Variants in FERMT2 observed in about 807,000 individuals in gnomAD.
FERMT2 encodes the protein fermitin family homolog 2.
A neutral mutation model predicts 82.7 loss-of-function variants in FERMT2; 15 were observed. The ratio of observed to expected loss-of-function variants is 0.18; its 90% CI spans 0.12 to 0.28. FERMT2 has a LOEUF of 0.28. Among genes scored for constraint, FERMT2 ranks in the 10% least tolerant of loss-of-function variants. The pLI, the probability that FERMT2 is intolerant of heterozygous loss-of-function variation, is 1.00. For synonymous variants in FERMT2, 274 were observed against 271.5 expected (o/e 1.01, Z -0.09); for missense variants, 645 against 809.4 (o/e 0.80, Z 2.46).
intron 8 of FERMT2, among the ~76,000 whole-genome samples, chr14:52,874,742 T>G (rs893917703): frequency 6.6e-6 from 1 of 152,204 alleles, no homozygotes; most frequent in African/African-American, 2.4e-5. Context: ...TGCAGAGTAT[T>G]AGAGTATTAG....
intron 2 of FERMT2, among the ~76,000 whole-genome samples, chr14:52,921,076 G>A (rs1026390253): frequency 6.6e-6 from 1 of 152,148 alleles, no homozygotes; most frequent in Admixed American, 6.5e-5. Flanking sequence ...TTAAAAGTAT[G>A]TATTAATCTA....
chr14:52,890,953 A>G (rs1459511822), intron 4 of FERMT2, among the ~76,000 whole-genome samples: 3 of 152,154 alleles, frequency 2.0e-5, no homozygotes, highest in African/African-American at 7.2e-5. Context: ...TTCCACCAGT[A>G]TCGGCAACCC....
In FERMT2 at chr14:52,857,314, A is replaced by G. The variant is rs1884630313; in HGVS notation, c.*1063T>C. Reference sequence around the variant, plus strand: ...CTTTTATTTAAAATAAAATGCATTTATACAGTCTTTGAACCATGGATTATT... The same window carrying G: ...CTTTTATTTAAAATAAAATGCATTTGTACAGTCTTTGAACCATGGATTATT... On this transcript the variant is annotated 3_prime_UTR_variant, in exon 15 of 15. Transcript: ENST00000341590. 6.5e-6 allele frequency: 1 copy of G among 152,678 alleles called. No individual in the cohort carries two copies. 9.5% of individuals were successfully genotyped at this position (152,678 alleles called of 1,614,324 possible).
intron 2 of FERMT2, among the ~76,000 whole-genome samples, chr14:52,947,597 T>C (rs769399413): frequency 2.0e-5 from 3 of 152,158 alleles, no homozygotes; most frequent in South Asian, 2.1e-4. Flanking sequence ...ACGTTATTTA[T>C]AATAAAAGTC....
At chr14:52,933,830 C>T (rs1303349643) in intron 2 of FERMT2, among the ~76,000 whole-genome samples, 1 of 151,838 alleles carries the variant, frequency 6.6e-6, no homozygotes, top group East Asian at 1.9e-4. Flanking sequence ...CCCCACATTG[C>T]CTTTTTCTAG....
intron 2 of FERMT2, among the ~76,000 whole-genome samples, chr14:52,929,751 C>T (rs1178688704): frequency 1.3e-5 from 2 of 152,150 alleles, no homozygotes; most frequent in African/African-American, 4.8e-5. Flanking sequence ...TATGTCCCCC[C>T]ATACTGTTGT....
intron 3 of FERMT2, among the ~76,000 whole-genome samples, chr14:52,911,863 T>G (rs1888330926): frequency 6.6e-6 from 1 of 152,196 alleles, no homozygotes; most frequent in Admixed American, 6.5e-5. Flanking sequence ...ACCAATTAGC[T>G]GTTTTCTTAT....
At chr14:52,918,754 C>CT (rs2139637470) in intron 3 of FERMT2, among the ~76,000 whole-genome samples, 1 of 152,260 alleles carries the variant, frequency 6.6e-6, no homozygotes, top group Non-Finnish European at 1.5e-5. Context: ...GTCAGGCCTT[C>CT]AATGGAGGAA....
rs1454244431 is a variant in FERMT2 at position 52,919,341 on chromosome 14, C to G, written c.173G>C (p.Trp58Ser). Residue 58 changes from tryptophan (W) to serine (S), a missense_variant, in exon 3 of 15, where the codon TGG becomes TCG. Physicochemically the swap from Trp to Ser is radical, Grantham distance 177. Transcript: ENST00000341590. ...TTCCCACCAGAGAGCATGGTCAGAC[C>G]AATCTTTTTTTACATCTATAAAAAA... ...LVEKLDVKKD[W>S]SDHALWWEKK... 4 of 1,596,578 alleles carry G rather than the reference C, an allele frequency of 2.5e-6. No individual in the cohort carries two copies. Among genetic ancestry groups the G allele is most frequent in the Non-Finnish European group, 3.4e-6 (4 of 1,171,514 alleles).
At chr14:52,867,230 G>A (rs907644918) in intron 10 of FERMT2, among the ~76,000 whole-genome samples, 3 of 151,350 alleles carry the variant, frequency 2.0e-5, no homozygotes, top group Non-Finnish European at 2.9e-5. Context: ...ATGAACCACC[G>A]TGCCCAGCCA....
intron 4 of FERMT2, among the ~76,000 whole-genome samples, chr14:52,889,592 G>T (rs1400028127): frequency 6.6e-6 from 1 of 152,212 alleles, no homozygotes; most frequent in Non-Finnish European, 1.5e-5. Context: ...TAACAATAGG[G>T]ATAAGTTCTG....
At chr14:52,859,022 G>GATGGTTCA (rs1369133270) in intron 14 of FERMT2, 1 of 157,788 alleles carries the variant, frequency 6.3e-6, no homozygotes, top group Admixed American at 6.2e-5. Context: ...ATTAGTAAAA[G>GATGGTTCA]ATGGTTCATT....
Position 52,874,734 on chromosome 14 carries a change from C to A in FERMT2, c.1098+489G>T, listed in dbSNP as rs546350879. On this transcript the variant is annotated intron_variant, in intron 8 of 14. Transcript: ENST00000341590. ...TTCCCACCACTTGTAAAAGAATTTG[C>A]AGAGTATTAGAGTATTAGATCTATT... Among the ~76,000 whole-genome samples the A allele has an allele frequency of 4.6e-5, 7 of 152,288 alleles. No homozygotes were observed. In the East Asian group the frequency reaches 1.3e-3, roughly 29 times the overall value.
intron 4 of FERMT2, among the ~76,000 whole-genome samples, chr14:52,885,087 T>A (rs962465254): frequency 6.6e-6 from 1 of 151,194 alleles, no homozygotes. Flanking sequence ...CCAAGGCGGG[T>A]GGATCACCTG....
At chr14:52,892,515 CA>C (rs1339064746) in intron 4 of FERMT2, among the ~76,000 whole-genome samples, 2 of 140,828 alleles carry the variant, frequency 1.4e-5, no homozygotes, top group African/African-American at 5.2e-5. Flanking sequence ...AGTGTGGTGG[CA>C]CGATCTCAGC....
chr14:52,886,047 AAAAT>A (rs1424350197), intron 4 of FERMT2, among the ~76,000 whole-genome samples: 1 of 152,026 alleles, frequency 6.6e-6, no homozygotes, highest in Non-Finnish European at 1.5e-5. Context: ...AAATATAAAT[AAAAT>A]AAAGAATCTA....
chr14:52,867,114 TTAAA>T (rs1296250664), intron 10 of FERMT2, among the ~76,000 whole-genome samples: 1 of 151,860 alleles, frequency 6.6e-6, no homozygotes, highest in African/African-American at 2.4e-5. Context: ...TTTTTTTTTT[TTAAA>T]TAGAGACAGG....
chr14:52,946,673 A>G (rs1339113556), intron 2 of FERMT2, among the ~76,000 whole-genome samples: 3 of 151,556 alleles, frequency 2.0e-5, no homozygotes, highest in Non-Finnish European at 1.5e-5. Flanking sequence ...ACAGTACTAA[A>G]TTTTCACAAT....
At chr14:52,868,726 T>C (rs1262020193) in intron 10 of FERMT2, among the ~76,000 whole-genome samples, 13 of 152,312 alleles carry the variant, frequency 8.5e-5, no homozygotes, top group African/African-American at 3.1e-4. Flanking sequence ...GGTGTGCACC[T>C]GCAGTGTCAG....
Sources: gnomAD v4.1 joint callset for allele counts (sites outside exome capture counted in the v4.1 genomes callset) on GRCh38, gnomAD v4.1.1 for gene constraint, MANE v1.5 for transcripts, NCBI Gene and HGNC (gene_info 2026-07-23, HGNC 2026-07-21) for gene names.